MARCHF1: variants seen among roughly 807,000 people sequenced by gnomAD.
MARCHF1 encodes the protein membrane associated ring-CH-type finger 1.
A neutral mutation model predicts 54.2 loss-of-function variants in MARCHF1; 40 were observed. The observed-to-expected ratio is 0.74, with a 90% CI of 0.57 to 0.96. The LOEUF is 0.96. Among genes scored for constraint, MARCHF1 ranks in the 40% least tolerant of loss-of-function variants. MARCHF1 has a pLI of 0.00. For synonymous variants in MARCHF1, 236 were observed against 236.3 expected (o/e 1.00, Z 0.01); for missense variants, 586 against 656.5 (o/e 0.89, Z 1.17).
chr4:164,070,308 C>A (rs1031195897), intron 2 of MARCHF1, among the ~76,000 whole-genome samples: 7 of 152,024 alleles, frequency 4.6e-5, no homozygotes, highest in Non-Finnish European at 7.4e-5. Flanking sequence ...TACATACAGG[C>A]CTTAAATAAA....
At chr4:164,308,216 C>G (rs1266477271) in intron 1 of MARCHF1, among the ~76,000 whole-genome samples, 1 of 152,104 alleles carries the variant, frequency 6.6e-6, no homozygotes, top group Non-Finnish European at 1.5e-5. Flanking sequence ...ATGATTTGTA[C>G]ATAATTCAGA....
At position 164,340,408 on chromosome 4, in the gene MARCHF1, T is replaced by TATAC. The variant is rs1312862685; in HGVS notation, c.-323+43461_-323+43462insGTAT. On this transcript the variant is annotated intron_variant, in intron 1 of 9. Coordinates refer to ENST00000514618, the MANE Select transcript of MARCHF1 (RefSeq NM_001394959.1). ...GCACATGCCACCAGGCCTTGATTTA[T>TATAC]ATATAGATATATATATATATATATA... Among the ~76,000 whole-genome samples, 5 of 121,938 alleles carry TATAC rather than the reference T, an allele frequency of 4.1e-5. 1 individual carries two copies. Among genetic ancestry groups the TATAC allele is most frequent in the African/African-American group, 1.1e-4 (4 of 35,852 alleles). 80.0% of individuals were successfully genotyped at this position (121,938 alleles called of 152,430 possible). A position where few individuals can be genotyped will look rare whatever the true frequency, so the allele number is the denominator to read the frequency against.
intron 7 of MARCHF1, among the ~76,000 whole-genome samples, chr4:163,599,742 C>T (rs951875515): frequency 2.0e-5 from 3 of 152,128 alleles, no homozygotes; most frequent in African/African-American, 7.2e-5. Context: ...TTTCTGATTC[C>T]ATAGGTCTGG....
chr4:163,973,942 A>T (rs939943209), intron 3 of MARCHF1, among the ~76,000 whole-genome samples: 1 of 152,212 alleles, frequency 6.6e-6, no homozygotes, highest in African/African-American at 2.4e-5. Context: ...AGTAGGAAAA[A>T]ATAAGGTAAT....
chr4:163,749,804 C>T (rs771808210), intron 4 of MARCHF1, among the ~76,000 whole-genome samples: 11 of 151,924 alleles, frequency 7.2e-5, no homozygotes, highest in Non-Finnish European at 1.5e-4. Flanking sequence ...TGACTCACAC[C>T]TGTGATCCCC....
intron 5 of MARCHF1, among the ~76,000 whole-genome samples, chr4:163,623,391 A>G (rs1002779243): frequency 1.7e-4 from 26 of 152,180 alleles, no homozygotes; most frequent in African/African-American, 6.0e-4. Flanking sequence ...TTCTCATATC[A>G]GCTGTAGCAC....
chr4:163,770,645 C>CT (rs1176696323), intron 4 of MARCHF1, among the ~76,000 whole-genome samples: 6 of 151,320 alleles, frequency 4.0e-5, no homozygotes, highest in Non-Finnish European at 7.4e-5. Context: ...AAAATCAGGT[C>CT]TTTTTTTTAT....
chr4:163,964,764 C>T (rs1752409419), intron 3 of MARCHF1, among the ~76,000 whole-genome samples: 1 of 151,926 alleles, frequency 6.6e-6, no homozygotes, highest in South Asian at 2.1e-4. Context: ...ACTCCATCTA[C>T]TAGGATGTCC....
chr4:164,292,294 A>G (rs960207753), intron 1 of MARCHF1, among the ~76,000 whole-genome samples: 4 of 152,140 alleles, frequency 2.6e-5, no homozygotes, highest in East Asian at 1.9e-4. Flanking sequence ...TCTAACTTCT[A>G]TGAAACACTT....
chr4:164,101,254 T>G lies in MARCHF1; in HGVS notation c.-248+10334A>C, dbSNP rs554439494. ...AGCCTGGAAGCTCAAACTGGGTGGATCCCACCACAGCTCAAGGAGGCCTGC... is the reference window on the plus strand; with the variant it reads ...AGCCTGGAAGCTCAAACTGGGTGGAGCCCACCACAGCTCAAGGAGGCCTGC... On this transcript the variant is annotated intron_variant, in intron 2 of 9. Transcript: ENST00000514618. Among the ~76,000 whole-genome samples, 500 of 152,118 alleles carry G rather than the reference T, an allele frequency of 3.3e-3. 3 individuals carry two copies. Among genetic ancestry groups the G allele is most frequent in the African/African-American group, 0.011 (456 of 41,526 alleles).
chr4:164,038,157 C>A (rs1754048919), intron 2 of MARCHF1, among the ~76,000 whole-genome samples: 2 of 152,080 alleles, frequency 1.3e-5, no homozygotes, highest in Admixed American at 1.3e-4. Context: ...CGTTTTCTTA[C>A]AACTGCACAC....
rs1168288414 is a variant in MARCHF1, at chr4:164,287,720, A to T, written c.-323+96150T>A. Among the ~76,000 whole-genome samples, 3 of 152,196 alleles carry T rather than the reference A, an allele frequency of 2.0e-5. No individual in the cohort carries two copies. The East Asian group carries it at 5.8e-4, about 29-fold the overall frequency. On this transcript the variant is annotated intron_variant, in intron 1 of 9. Coordinates refer to ENST00000514618, the MANE Select transcript of MARCHF1 (RefSeq NM_001394959.1). ...CATGAAAACTAATATCTTTGTCTTCATAAGAGATTCTGGAGGAATAATTTA... is the reference window on the plus strand; with the variant it reads ...CATGAAAACTAATATCTTTGTCTTCTTAAGAGATTCTGGAGGAATAATTTA...
chr4:164,197,432 T>C, intron 1 of MARCHF1: 1 of 1,613,520 alleles, frequency 6.2e-7, no homozygotes, highest in Non-Finnish European at 8.5e-7. Context: ...TTAATTTTGT[T>C]GCCACTTAAA....
chr4:164,210,685 A>G (rs1157257990), intron 1 of MARCHF1, among the ~76,000 whole-genome samples: 1 of 152,134 alleles, frequency 6.6e-6, no homozygotes, highest in Non-Finnish European at 1.5e-5. Flanking sequence ...TAGGAGTTAT[A>G]TTAAGAATTG....
At chr4:163,825,504 T>C (rs567938227) in intron 4 of MARCHF1, among the ~76,000 whole-genome samples, 2 of 152,106 alleles carry the variant, frequency 1.3e-5, no homozygotes, top group South Asian at 2.1e-4. Context: ...TTTAAGTTTT[T>C]TCAGAAATCG....
chr4:164,219,464 A>G (rs1579633163), intron 1 of MARCHF1, among the ~76,000 whole-genome samples: 1 of 152,254 alleles, frequency 6.6e-6, no homozygotes, highest in South Asian at 2.1e-4. Flanking sequence ...TTGAATCATA[A>G]CAATGAAGAA....
intron 4 of MARCHF1, among the ~76,000 whole-genome samples, chr4:163,781,011 T>A (rs1237535388): frequency 6.6e-6 from 1 of 152,142 alleles, no homozygotes; most frequent in Non-Finnish European, 1.5e-5. Flanking sequence ...TGATAGAATG[T>A]AAGTCTTGAC....
At chr4:163,605,913 G>T (rs971702632) in intron 7 of MARCHF1, among the ~76,000 whole-genome samples, 3 of 152,074 alleles carry the variant, frequency 2.0e-5, no homozygotes, top group Admixed American at 6.6e-5. Flanking sequence ...TTGCGGGTTG[G>T]GGGGCTAGGG....
intron 4 of MARCHF1, among the ~76,000 whole-genome samples, chr4:163,740,443 A>G (rs1030761212): frequency 4.6e-5 from 7 of 152,198 alleles, no homozygotes; most frequent in Non-Finnish European, 8.8e-5. Flanking sequence ...TATTACTTAT[A>G]GCAATAGCAG....
Sources: gnomAD v4.1 joint callset for allele counts (sites outside exome capture counted in the v4.1 genomes callset) on GRCh38, gnomAD v4.1.1 for gene constraint, MANE v1.5 for transcripts, NCBI Gene and HGNC (gene_info 2026-07-23, HGNC 2026-07-21) for gene names.